The following DNM2 variants were observed in gnomAD, a reference collection of about 807,000 sequenced individuals.
DNM2 encodes the protein dynamin 2.
DNM2 carries 15 observed loss-of-function variants against 99.0 expected under a neutral mutation model. The observed-to-expected ratio is 0.15, with a 90% CI of 0.10 to 0.23. DNM2 has a LOEUF of 0.23. Ranked by LOEUF, DNM2 falls within the 10% of genes least tolerant of loss-of-function variation. The pLI, the probability that DNM2 is intolerant of heterozygous loss-of-function variation, is 1.00. For missense variants in DNM2, 742 were observed against 1,189.4 expected, an observed-to-expected ratio of 0.62 and a Z score of 5.53; for synonymous variants, 525 against 481.2, an observed-to-expected ratio of 1.09 and a Z score of -1.19.
At chr19:10,827,490 GC>G (rs1180908779) in intron 18 of DNM2, among the ~76,000 whole-genome samples, 1 of 151,570 alleles carries the variant, frequency 6.6e-6, no homozygotes, top group Admixed American at 6.6e-5. Flanking sequence ...GATCACTTGA[GC>G]CCAGGAGATC....
At chr19:10,780,097 T>C (rs1480329772) in intron 5 of DNM2, among the ~76,000 whole-genome samples, 1 of 152,144 alleles carries the variant, frequency 6.6e-6, no homozygotes, top group Non-Finnish European at 1.5e-5. Flanking sequence ...ATGTCTGAGA[T>C]AGATGTGGGG....
chr19:10,733,356 A>G (rs2069406022), intron 1 of DNM2, among the ~76,000 whole-genome samples: 3 of 142,352 alleles, frequency 2.1e-5, no homozygotes, highest in Admixed American at 1.4e-4. Context: ...AATGGCCGGC[A>G]TTTTTTTTTT....
chr19:10,731,689 C>G (rs1274137768), intron 1 of DNM2, among the ~76,000 whole-genome samples: 1 of 152,164 alleles, frequency 6.6e-6, no homozygotes, highest in African/African-American at 2.4e-5. Flanking sequence ...CATCAGGGGA[C>G]AGTGACTGAG....
chr19:10,728,834 C>T (rs1162585871), intron 1 of DNM2, among the ~76,000 whole-genome samples: 4 of 151,496 alleles, frequency 2.6e-5, no homozygotes, highest in African/African-American at 9.7e-5. Flanking sequence ...GTCGTCCCAG[C>T]TACTTAGCAG....
chr19:10,738,117 A>T (rs2069597029), intron 1 of DNM2, among the ~76,000 whole-genome samples: 1 of 152,010 alleles, frequency 6.6e-6, no homozygotes, highest in Non-Finnish European at 1.5e-5. Context: ...AGTAGGCCGG[A>T]CGTGGTGGCT....
intron 1 of DNM2, among the ~76,000 whole-genome samples, chr19:10,729,573 G>T (rs2145702131): frequency 6.6e-6 from 1 of 152,244 alleles, no homozygotes; most frequent in Admixed American, 6.5e-5. Flanking sequence ...CCCGCTGAGT[G>T]CCCCCTGCGG....
chr19:10,773,101 G>A (rs368456963), intron 3 of DNM2, among the ~76,000 whole-genome samples: 41 of 144,588 alleles, frequency 2.8e-4, no homozygotes, highest in African/African-American at 9.8e-4. Context: ...TGCCTCAGCC[G>A]CCCAAGTAGC....
Position 10,830,920 on chromosome 19 carries a change from C to A in DNM2, c.2544-58C>A. The A allele has an allele frequency of 6.4e-7, 1 of 1,564,666 alleles. No homozygotes were observed. The highest frequency in any genetic ancestry group is 1.2e-5 in the South Asian group (1 of 85,170). On this transcript the variant is annotated intron_variant, in intron 20 of 20. Transcript: ENST00000389253. The surrounding 1 kb of genome is among the most constrained non-coding windows in gnomAD (Gnocchi z 4.8). ...CTGGGTCCTCAACCCAGGCCTGCCTCTTGCTCCCGGCCTCACTGCCGTCTC... is the reference window on the plus strand; with the variant it reads ...CTGGGTCCTCAACCCAGGCCTGCCTATTGCTCCCGGCCTCACTGCCGTCTC...
intron 1 of DNM2, among the ~76,000 whole-genome samples, chr19:10,736,238 C>T (rs2069520125): frequency 6.7e-6 from 1 of 148,484 alleles, no homozygotes; most frequent in Middle Eastern, 3.3e-3. Flanking sequence ...GCACTCCAGC[C>T]TGGGCAACAG....
chr19:10,723,428 C>T lies in DNM2; in HGVS notation c.161+5025C>T, dbSNP rs142950509. Among the ~76,000 whole-genome samples, 1,162 of 152,228 alleles carry T rather than the reference C, an allele frequency of 7.6e-3. 11 individuals carry two copies. Among genetic ancestry groups the T allele is most frequent in the African/African-American group, 0.026 (1,071 of 41,534 alleles). ...GATTACAGGCGTGAGCCACCGTGCC[C>T]GGCTAATTTTTCTATTTTTAATAGA... On this transcript the variant is annotated intron_variant, in intron 1 of 20. Transcript: ENST00000389253.
chr19:10,763,805 G>A (rs377481252), intron 2 of DNM2, among the ~76,000 whole-genome samples: 7 of 152,198 alleles, frequency 4.6e-5, no homozygotes, highest in Non-Finnish European at 8.8e-5. Flanking sequence ...GCATGGTGGC[G>A]GGAGACCACT....
intron 7 of DNM2, among the ~76,000 whole-genome samples, chr19:10,793,009 C>A (rs1457176601): frequency 6.6e-6 from 1 of 152,104 alleles, no homozygotes; most frequent in Non-Finnish European, 1.5e-5. Context: ...TCCTAAAGTG[C>A]TAATATTGCA....
In DNM2 at chr19:10,817,516, G is replaced by A. The variant is rs890215836; in HGVS notation, c.1672-2464G>A. The A allele has an allele frequency of 2.2e-6, 1 of 452,648 alleles. No homozygotes were observed. Among genetic ancestry groups the A allele is most frequent in the Non-Finnish European group, 4.5e-6 (1 of 219,908 alleles). The allele number at this position is 452,648 out of a possible 1,614,324, so 28.0% of individuals were successfully genotyped here. A position where few individuals can be genotyped will look rare whatever the true frequency, so the allele number is the denominator to read the frequency against. ...GTTGGCGGGGCCGGCTATCCATCCT[G>A]CAGAACCCCCCAGGCAGACGCTGGG... On this transcript the variant is annotated intron_variant, in intron 15 of 20. Transcript: ENST00000389253. The surrounding 1 kb of genome is among the most constrained non-coding windows in gnomAD (Gnocchi z 4.6).
In DNM2 at chr19:10,729,183, A is replaced by AT. The variant is rs1568265439; in HGVS notation, c.161+10780_161+10781insT. On this transcript the variant is annotated intron_variant, in intron 1 of 20. Coordinates refer to ENST00000389253, the MANE Select transcript of DNM2 (RefSeq NM_001005361.3). Reference sequence around the variant, plus strand: ...CCGTCTCAAAAAAAAAAAAAAAAAAAAAAAAAATATAAAAAATTAGCCAAG... The same window carrying AT: ...CCGTCTCAAAAAAAAAAAAAAAAAAATAAAAAAATATAAAAAATTAGCCAAG... Among the ~76,000 whole-genome samples, 388 of 143,678 alleles carry AT rather than the reference A, an allele frequency of 2.7e-3. 1 individual carries two copies. The highest frequency in any genetic ancestry group is 9.8e-3 in the African/African-American group (368 of 37,438). 94.3% of individuals were successfully genotyped at this position (143,678 alleles called of 152,430 possible).
chr19:10,802,241 T>C, intron 11 of DNM2, 47 bp from the exon 12 acceptor site: 2 of 1,607,384 alleles, frequency 1.2e-6, no homozygotes, highest in Non-Finnish European at 1.7e-6. Context: ...CTGCCCCCCC[T>C]TGCCAGGCTT....
intron 1 of DNM2, among the ~76,000 whole-genome samples, chr19:10,745,463 G>T (rs12232826): frequency 0.1 from 15,459 of 152,220 alleles, 1,210 homozygotes; most frequent in East Asian, 0.37. Flanking sequence ...GGCTGGGCAC[G>T]CTTGAAATCC....
intron 1 of DNM2, among the ~76,000 whole-genome samples, chr19:10,724,531 G>A (rs1189254223): frequency 6.6e-6 from 1 of 152,188 alleles, no homozygotes; most frequent in African/African-American, 2.4e-5. Flanking sequence ...GAGCCTTGAA[G>A]GAGGCGAGGA....
intron 1 of DNM2, among the ~76,000 whole-genome samples, chr19:10,719,673 C>T (rs1413357490): frequency 6.6e-6 from 1 of 152,200 alleles, no homozygotes; most frequent in Non-Finnish European, 1.5e-5. Flanking sequence ...GGTGGTGTGG[C>T]TGCCAAATGA....
chr19:10,803,833 C>G (rs2072242108), intron 12 of DNM2, among the ~76,000 whole-genome samples: 1 of 152,194 alleles, frequency 6.6e-6, no homozygotes, highest in South Asian at 2.1e-4. Context: ...GGACCTTGAC[C>G]GCACCAGCTG....
Sources: gnomAD v4.1 joint callset for allele counts (sites outside exome capture counted in the v4.1 genomes callset) on GRCh38, gnomAD v4.1.1 for gene constraint, Gnocchi (gnomAD v3.1) non-coding constraint, MANE v1.5 for transcripts, NCBI Gene and HGNC (gene_info 2026-07-23, HGNC 2026-07-21) for gene names.